The following ATCAY variants were observed in gnomAD, a reference collection of about 807,000 sequenced individuals.
ATCAY encodes the protein caytaxin.
In ATCAY, 22 loss-of-function variants were observed where a neutral mutation model predicts 47.7. The ratio of observed to expected loss-of-function variants is 0.46; its 90% confidence interval spans 0.33 to 0.66. The LOEUF (loss-of-function observed/expected upper bound fraction) is 0.66. ATCAY is among the 30% of genes least tolerant of loss of function. The pLI is 0.02. For synonymous variants in ATCAY, 216 were observed against 207.6 expected (o/e 1.04, Z -0.35); for missense variants, 452 against 515.0 (o/e 0.88, Z 1.18).
intron 3 of ATCAY, among the ~76,000 whole-genome samples, chr19:3,905,078 C>T (rs2038848546): frequency 6.6e-6 from 1 of 152,082 alleles, no homozygotes; most frequent in Admixed American, 6.6e-5. Context: ...AGGCTGGTCT[C>T]GAACTCCTGA....
At chr19:3,918,403 A>T (rs1298495856) in intron 10 of ATCAY, among the ~76,000 whole-genome samples, 1 of 149,676 alleles carries the variant, frequency 6.7e-6, no homozygotes. Context: ...AAAAAAATAA[A>T]TTAGCCAGGT....
At chr19:3,885,160 T>A (rs547439509) in intron 1 of ATCAY, among the ~76,000 whole-genome samples, 10 of 137,934 alleles carry the variant, frequency 7.2e-5, no homozygotes, top group Non-Finnish European at 1.4e-4. Flanking sequence ...GGCTCACCCC[T>A]GTAATCCCAG....
At chr19:3,908,145 T>C in intron 5 of ATCAY, 123 bp from the exon 6 acceptor site, 2 of 1,048,534 alleles carry the variant, frequency 1.9e-6, no homozygotes, top group Non-Finnish European at 2.8e-6. Flanking sequence ...GGTCGCCGGC[T>C]GCTGTGGCTC....
rs1599287570 is a variant in ATCAY at position 3,905,774 on chromosome 19, A to G, written c.358+119A>G. The G allele has an allele frequency of 2.6e-5, 23 of 868,124 alleles. No homozygotes were observed. In the East Asian group the frequency reaches 6.1e-4, roughly 23 times the overall value. The allele number at this position is 868,124 out of a possible 1,614,324, so 53.8% of individuals were successfully genotyped here. On this transcript the variant is annotated intron_variant, in intron 4 of 12. Transcript: ENST00000450849. ...GTGGGGCAGGGGCTCTAAGCAGTCT[A>G]GCCTTAAACCCAGGAGATCAAGACT...
chr19:3,895,874 C>A (rs753520551), intron 2 of ATCAY, among the ~76,000 whole-genome samples: 3 of 151,804 alleles, frequency 2.0e-5, no homozygotes, highest in Non-Finnish European at 4.4e-5. Flanking sequence ...TGCCACCATG[C>A]CTGGCTAATA....
intron 2 of ATCAY, among the ~76,000 whole-genome samples, chr19:3,898,374 G>A (rs1006767763): frequency 1.3e-5 from 2 of 152,150 alleles, no homozygotes; most frequent in Non-Finnish European, 1.5e-5. Flanking sequence ...TAGTAGAGAC[G>A]GGCTTTCGCC....
intron 3 of ATCAY, 118 bp downstream of exon 3, chr19:3,902,663 G>A: frequency 8.8e-7 from 1 of 1,141,570 alleles, no homozygotes; most frequent in South Asian, 1.5e-5. Flanking sequence ...AGAATGTTCT[G>A]TCCTGGGGTC....
At chr19:3,909,755 C>T in intron 7 of ATCAY, 138 bp downstream of exon 7, 1 of 1,245,616 alleles carries the variant, frequency 8.0e-7, no homozygotes, top group South Asian at 1.4e-5. Context: ...GAGTTTGAGA[C>T]CAGCCTGGGC....
intron 9 of ATCAY, among the ~76,000 whole-genome samples, chr19:3,916,224 T>C (rs540245668): frequency 1.3e-5 from 2 of 152,326 alleles, no homozygotes; most frequent in East Asian, 3.9e-4. Context: ...TGTGTCAGAA[T>C]GTCCTTCCTT....
chr19:3,884,286 C>CTAAATAAATAAATAAA (rs113861636), intron 1 of ATCAY, among the ~76,000 whole-genome samples: 1,932 of 151,578 alleles, frequency 0.013, 40 homozygotes, highest in African/African-American at 0.045. Flanking sequence ...GACCCCGTCT[C>CTAAATAAATAAATAAA]TAAATAAATA....
intron 4 of ATCAY, 129 bp downstream of exon 4, chr19:3,905,784 C>T: frequency 1.3e-6 from 1 of 775,692 alleles, no homozygotes; most frequent in South Asian, 1.9e-5. Context: ...AGCCTTAAAC[C>T]CAGGAGATCA....
intron 2 of ATCAY, 92 bp from the exon 3 acceptor site, chr19:3,902,395 C>T (rs1372774746): frequency 2.2e-5 from 26 of 1,190,502 alleles, no homozygotes; most frequent in South Asian, 3.9e-5. Context: ...TTGTCTGACT[C>T]GCCTGGCTGG....
chr19:3,896,008 T>A (rs11671222), intron 2 of ATCAY, among the ~76,000 whole-genome samples: 9,750 of 152,080 alleles, frequency 0.064, 421 homozygotes, highest in South Asian at 0.14. Context: ...TGAGCCATCA[T>A]GCTGGGCTAA....
In ATCAY at chr19:3,894,808, G is replaced by A. The variant is rs560675137; in HGVS notation, c.78-7679G>A. Reference sequence around the variant, plus strand: ...TACAAAAAATTTTATAATTAGCCGGGTGTGGTGGTGCACACCTAGGGTCCC... The same window carrying A: ...TACAAAAAATTTTATAATTAGCCGGATGTGGTGGTGCACACCTAGGGTCCC... On this transcript the variant is annotated intron_variant, in intron 2 of 12. Transcript: ENST00000450849. Among the ~76,000 whole-genome samples the A allele has an allele frequency of 7.3e-5, 11 of 151,696 alleles. 1 individual carries two copies. In the South Asian group the frequency reaches 2.3e-3, roughly 32 times the overall value.
chr19:3,881,674 G>T (rs530240161), intron 1 of ATCAY, among the ~76,000 whole-genome samples: 1 of 147,946 alleles, frequency 6.8e-6, no homozygotes, highest in South Asian at 2.2e-4. Context: ...TGGAGTCAAC[G>T]CCTGTGGCTG....
At chr19:3,909,721 G>C in intron 7 of ATCAY, 104 bp downstream of exon 7, 1 of 1,470,244 alleles carries the variant, frequency 6.8e-7, no homozygotes, top group Non-Finnish European at 9.2e-7. Flanking sequence ...GGGAGGCTGA[G>C]GTGGGAAGGT....
At chr19:3,883,762 C>A (rs1459414171) in intron 1 of ATCAY, among the ~76,000 whole-genome samples, 1 of 152,178 alleles carries the variant, frequency 6.6e-6, no homozygotes, top group Non-Finnish European at 1.5e-5. Flanking sequence ...TTGGTTGAGT[C>A]ATAAGATGCT....
At chr19:3,908,722 C>CTCCCCTTCCCTCTCCTCCTCCCCTTCT (rs2038891432) in intron 6 of ATCAY, among the ~76,000 whole-genome samples, 1 of 53,376 alleles carries the variant, frequency 1.9e-5, no homozygotes, top group Non-Finnish European at 4.5e-5. Flanking sequence ...TCTCCTCCTC[C>CTCCCCTTCCCTCTCCTCCTCCCCTTCT]TCCCCTTCCC....
At chr19:3,887,696 C>A (rs561513732) in intron 2 of ATCAY, among the ~76,000 whole-genome samples, 2 of 150,406 alleles carry the variant, frequency 1.3e-5, no homozygotes. Context: ...CCATGTTAGC[C>A]AGGATGGTCT....
Sources: allele counts gnomAD v4.1 joint callset (sites outside exome capture counted in the v4.1 genomes callset), GRCh38; gene constraint gnomAD v4.1.1; transcripts MANE v1.5; gene names NCBI Gene and HGNC (gene_info 2026-07-23, HGNC 2026-07-21).